Variants in PKD1L1 observed in about 807,000 individuals in gnomAD.
PKD1L1 encodes polycystin 1 like 1, transient receptor potential channel interacting.
A neutral mutation model predicts 323.4 loss-of-function variants in PKD1L1; 236 were observed. The ratio of observed to expected loss-of-function variants is 0.73; its 90% CI spans 0.66 to 0.81. PKD1L1 has a LOEUF of 0.81. PKD1L1 is among the 40% of genes least tolerant of loss of function. The probability of loss-of-function intolerance (pLI) is 0.00; values close to 1 mark genes in which losing one functional copy is unlikely to be tolerated. For synonymous variants in PKD1L1, 1,344 were observed against 1,335.0 expected, an observed-to-expected ratio of 1.01 and a Z score of -0.15; for missense variants, 3,320 against 3,508.0, an observed-to-expected ratio of 0.95 and a Z score of 1.35.
chr7:47,806,475 G>A (rs1784779806), intron 52 of PKD1L1, among the ~76,000 whole-genome samples: 1 of 152,214 alleles, frequency 6.6e-6, no homozygotes, highest in Non-Finnish European at 1.5e-5. Context: ...GACTAGCAGA[G>A]CTATACTATA....
In PKD1L1 at chr7:47,821,171, G is replaced by C; in HGVS notation, c.6870C>G (p.Asp2290Glu). 6.2e-7 allele frequency: 1 copy of C among 1,606,130 alleles called. No individual in the cohort carries two copies. The highest frequency in any genetic ancestry group is 1.7e-5 in the Admixed American group (1 of 60,000). Residue 2290 changes from aspartate (D) to glutamate (E), a missense_variant, in exon 46 of 57, where the codon GAC (aspartate) becomes GAG (glutamate). Transcript: ENST00000289672. ...ACAAAAGCAGAAGCAGCATGAGGAT[G>C]TCCATGGAAATGTCTCTGTAAGAAG... ...TRAALRDISM[D>E]ILMLLLLLCV...
At chr7:47,861,706 T>C (rs535337515) in intron 26 of PKD1L1, among the ~76,000 whole-genome samples, 128 of 150,020 alleles carry the variant, frequency 8.5e-4, no homozygotes, top group Non-Finnish European at 8.4e-4. Flanking sequence ...CACAGTGAAA[T>C]CCCGTCTCTA....
At chr7:47,787,292 C>G (rs1272352377) in intron 56 of PKD1L1, among the ~76,000 whole-genome samples, 1 of 152,184 alleles carries the variant, frequency 6.6e-6, no homozygotes, top group East Asian at 1.9e-4. Context: ...AGAGACCCAC[C>G]CTTGGCAGCA....
the PKD1L1 span, chr7:47,956,882 C>T: frequency 6.5e-6 from 1 of 155,010 alleles, no homozygotes; most frequent in Non-Finnish European, 1.4e-5. Flanking sequence ...CAGAGAAAAA[C>T]ACTGTCCTAC....
intron 40 of PKD1L1, among the ~76,000 whole-genome samples, chr7:47,833,926 AC>A (rs1785401357): frequency 6.6e-6 from 1 of 152,028 alleles, no homozygotes; most frequent in Non-Finnish European, 1.5e-5. Context: ...TTCTCTGAGC[AC>A]CCTCCTCACA....
chr7:47,841,058 G>A (rs1483797255), intron 34 of PKD1L1, among the ~76,000 whole-genome samples: 1 of 152,194 alleles, frequency 6.6e-6, no homozygotes, highest in African/African-American at 2.4e-5. Flanking sequence ...CAATTCTGAT[G>A]TAATGTCACT....
At position 47,800,692 on chromosome 7, in the gene PKD1L1, A is replaced by G. The variant is rs750386776; in HGVS notation, c.8150T>C (p.Phe2717Ser). Residue 2717 changes from phenylalanine (F) to serine (S), a missense_variant, in exon 54 of 57, where the codon TTT (phenylalanine) becomes TCT (serine). Physicochemically the swap from Phe to Ser is radical, Grantham distance 155 (BLOSUM62 -2). Coordinates refer to ENST00000289672, the MANE Select transcript of PKD1L1 (RefSeq NM_138295.5). ...GGCAGAGACTATTAAAAGGATCCCA[A>G]AGTAACAAGCCATGGCCCGCTGGTC... ...KSDQRAMACY[F>S]GILLIVSATL... 4 of 1,614,194 alleles carry G rather than the reference A, an allele frequency of 2.5e-6. No individual in the cohort carries two copies. Among genetic ancestry groups the G allele is most frequent in the South Asian group, 1.1e-5 (1 of 91,086 alleles).
At chr7:47,789,091 A>G (rs1276229774) in intron 56 of PKD1L1, among the ~76,000 whole-genome samples, 1 of 152,172 alleles carries the variant, frequency 6.6e-6, no homozygotes, top group Non-Finnish European at 1.5e-5. Flanking sequence ...TTTTAGATCA[A>G]TAAATTGCTT....
rs755463836 is a variant in PKD1L1, at chr7:47,931,205, A to G, written c.636T>C (p.Thr212=). ...EDVATGLLPG[T]VTMETPTKVA... ...CCTTGGTGGGGGTCTCCATCGTGAC[A>G]GTCCCAGGAAGCAGCCCCGTGGCCA... Residue 212 remains threonine (T), a synonymous_variant, in exon 6 of 57, where the codon ACT becomes ACC. Transcript: ENST00000289672. 33 of 1,614,110 alleles carry G rather than the reference A, an allele frequency of 2.0e-5. No individual in the cohort carries two copies. In the Admixed American group the frequency reaches 5.3e-4, roughly 26 times the overall value.
At chr7:47,835,335 A>C (rs1785435445) in intron 37 of PKD1L1, 92 bp from the exon 38 acceptor site, 1 of 715,524 alleles carries the variant, frequency 1.4e-6, no homozygotes, top group African/African-American at 1.8e-5. Context: ...ATGTAATGTG[A>C]ATACATACAT....
intron 25 of PKD1L1, 63 bp downstream of exon 25, chr7:47,866,356 T>A: frequency 6.5e-7 from 1 of 1,543,264 alleles, no homozygotes; most frequent in Non-Finnish European, 8.8e-7. Flanking sequence ...AGCCAGCCAG[T>A]CATGAGCCCT....
intron 53 of PKD1L1, among the ~76,000 whole-genome samples, chr7:47,801,083 C>T (rs1205089200): frequency 6.6e-6 from 1 of 152,038 alleles, no homozygotes; most frequent in Middle Eastern, 3.2e-3. Context: ...CCCACCCCAC[C>T]AGCCTCCCAC....
Position 47,846,875 on chromosome 7 carries a change from A to C in PKD1L1, c.5153+4T>G. ...CTCAGATTCTTTCTCAAATGTGTCTATACCTGCAGTTCACTTTTTCAGGAG... is the reference window on the plus strand; with the variant it reads ...CTCAGATTCTTTCTCAAATGTGTCTCTACCTGCAGTTCACTTTTTCAGGAG... On this transcript the variant is annotated splice_donor_region_variant and intron_variant, in intron 32 of 56. Transcript: ENST00000289672. The C allele has an allele frequency of 1.2e-6, 2 of 1,601,082 alleles. No individual in the cohort carries two copies. The highest frequency in any genetic ancestry group is 1.7e-6 in the Non-Finnish European group (2 of 1,176,120).
At chr7:47,908,366 T>C in intron 8 of PKD1L1, 116 bp from the exon 9 acceptor site, 5 of 964,944 alleles carry the variant, frequency 5.2e-6, no homozygotes, top group Non-Finnish European at 7.7e-6. Context: ...ACAGGAGAGG[T>C]GATCTTTCTT....
intron 45 of PKD1L1, 51 bp downstream of exon 45, chr7:47,827,299 G>T: frequency 1.4e-6 from 2 of 1,447,426 alleles, no homozygotes; most frequent in South Asian, 1.3e-5. Flanking sequence ...TACTCCCTCC[G>T]AGAAGGGAGC....
intron 8 of PKD1L1, among the ~76,000 whole-genome samples, chr7:47,913,703 C>A (rs1787371677): frequency 6.6e-6 from 1 of 152,166 alleles, no homozygotes; most frequent in African/African-American, 2.4e-5. Context: ...TGAGCAGATG[C>A]CCACATCAAT....
chr7:47,954,295 AGGCTTATGTTAT>A, the PKD1L1 span, among the ~76,000 whole-genome samples: 1 of 152,160 alleles, frequency 6.6e-6, no homozygotes, highest in East Asian at 1.9e-4. Flanking sequence ...TTGTTTGGTA[AGGCTTATGTTAT>A]GGTTTAAGTG....
chr7:47,938,541 C>T (rs1787915201), intron 3 of PKD1L1, among the ~76,000 whole-genome samples: 1 of 152,172 alleles, frequency 6.6e-6, no homozygotes, highest in South Asian at 2.1e-4. Flanking sequence ...TATAACTATG[C>T]CCAATCAGCA....
chr7:47,921,238 C>A (rs1421451697), intron 7 of PKD1L1, among the ~76,000 whole-genome samples: 305 of 79,330 alleles, frequency 3.8e-3, no homozygotes, highest in Middle Eastern at 0.02. Context: ...AGACAATTCT[C>A]AAAAAAAAAA....
Sources: gnomAD v4.1 joint callset for allele counts (sites outside exome capture counted in the v4.1 genomes callset) on GRCh38, gnomAD v4.1.1 for gene constraint, MANE v1.5 for transcripts, NCBI Gene and HGNC (gene_info 2026-07-23, HGNC 2026-07-21) for gene names.